The following CNTNAP2 variants were observed in gnomAD, a reference collection of about 807,000 sequenced individuals.
The protein encoded by CNTNAP2 is contactin-associated protein-like 2.
In CNTNAP2, 98 loss-of-function variants were observed where a neutral mutation model predicts 155.2. The ratio of observed to expected loss-of-function variants is 0.63; its 90% CI spans 0.54 to 0.75. CNTNAP2 has a LOEUF of 0.75. CNTNAP2 is among the 30% of genes least tolerant of loss of function. CNTNAP2 has a pLI of 0.00. For missense variants in CNTNAP2, 1,727 were observed against 1,688.1 expected, an observed-to-expected ratio of 1.02 and a Z score of -0.40; for synonymous variants, 651 against 631.2, an observed-to-expected ratio of 1.03 and a Z score of -0.47.
At chr7:146,356,730 G>A (rs954225817) in intron 1 of CNTNAP2, among the ~76,000 whole-genome samples, 1 of 152,130 alleles carries the variant, frequency 6.6e-6, no homozygotes, top group African/African-American at 2.4e-5. Context: ...ATGGAGAAGT[G>A]GATCATGGTT....
intron 15 of CNTNAP2, among the ~76,000 whole-genome samples, chr7:148,013,702 C>G (rs1258456823): frequency 6.6e-6 from 1 of 152,210 alleles, no homozygotes; most frequent in African/African-American, 2.4e-5. Flanking sequence ...GTATCCATGA[C>G]TTACACACCC....
intron 3 of CNTNAP2, among the ~76,000 whole-genome samples, chr7:146,864,269 T>C (rs1400683334): frequency 1.3e-5 from 2 of 152,228 alleles, no homozygotes; most frequent in East Asian, 3.9e-4. Context: ...GAATAAGTGG[T>C]ATTTATCCCA....
Position 147,919,459 on chromosome 7 carries a change from C to CTTTCTTTT in CNTNAP2, c.2255+15741_2255+15742insCTTTTTTT, listed in dbSNP as rs58537091. Among the ~76,000 whole-genome samples, 249 of 51,218 alleles carry CTTTCTTTT rather than the reference C, an allele frequency of 4.9e-3. 66 individuals are homozygous for CTTTCTTTT. Among genetic ancestry groups the CTTTCTTTT allele is most frequent in the East Asian group, 0.034 (43 of 1,256 alleles). 33.6% of individuals were successfully genotyped at this position (51,218 alleles called of 152,430 possible). A position where few individuals can be genotyped will look rare whatever the true frequency, so the allele number is the denominator to read the frequency against. On this transcript the variant is annotated intron_variant, in intron 14 of 23. Transcript: ENST00000361727. Reference sequence around the variant, plus strand: ...CACCATGTCTGGCTACTTTTTCTTTCTTTTTTTTTTTTTTTTTGAGACAGA... The same window carrying CTTTCTTTT: ...CACCATGTCTGGCTACTTTTTCTTTCTTTCTTTTTTTTTTTTTTTTTTTTTGAGACAGA...
chr7:146,837,436 T>C (rs1803639676), intron 2 of CNTNAP2, among the ~76,000 whole-genome samples: 1 of 152,130 alleles, frequency 6.6e-6, no homozygotes, highest in Admixed American at 6.5e-5. Context: ...CCTTCAACAT[T>C]TTGCATTTTT....
At chr7:147,200,911 A>G (rs149737440) in intron 8 of CNTNAP2, among the ~76,000 whole-genome samples, 1 of 152,328 alleles carries the variant, frequency 6.6e-6, no homozygotes, top group Non-Finnish European at 1.5e-5. Flanking sequence ...AAGCTCAAAA[A>G]ATGCATGGTT....
chr7:146,943,218 A>C (rs1797091530), intron 3 of CNTNAP2, among the ~76,000 whole-genome samples: 3 of 152,204 alleles, frequency 2.0e-5, no homozygotes, highest in Non-Finnish European at 4.4e-5. Flanking sequence ...GAGAAAGGAA[A>C]ATGGTATTAA....
At chr7:146,802,098 A>T (rs1428805394) in intron 2 of CNTNAP2, among the ~76,000 whole-genome samples, 1 of 152,232 alleles carries the variant, frequency 6.6e-6, no homozygotes, top group Non-Finnish European at 1.5e-5. Flanking sequence ...TCAGCAGCTT[A>T]AAACAACACC....
chr7:148,023,318 T>C (rs1287390627), intron 15 of CNTNAP2, among the ~76,000 whole-genome samples: 12 of 152,234 alleles, frequency 7.9e-5, no homozygotes, highest in Admixed American at 7.2e-4. Context: ...TTTAATGGCA[T>C]AATTTTTAGC....
intron 1 of CNTNAP2, among the ~76,000 whole-genome samples, chr7:146,365,507 A>G (rs1157797145): frequency 6.6e-6 from 1 of 152,224 alleles, no homozygotes; most frequent in South Asian, 2.1e-4. Context: ...ATGTGTCTTT[A>G]CTTTTCATAT....
At chr7:148,060,622 A>G (rs747043924) in intron 15 of CNTNAP2, among the ~76,000 whole-genome samples, 7 of 152,188 alleles carry the variant, frequency 4.6e-5, no homozygotes, top group Non-Finnish European at 7.4e-5. Flanking sequence ...TTTAAGTTTA[A>G]AATCAATTAT....
At chr7:146,366,938 A>G (rs1443981633) in intron 1 of CNTNAP2, among the ~76,000 whole-genome samples, 10 of 152,156 alleles carry the variant, frequency 6.6e-5, no homozygotes, top group Non-Finnish European at 1.3e-4. Context: ...AAATTATGAA[A>G]CAGAATCTTA....
At chr7:146,228,276 C>G (rs1701422179) in intron 1 of CNTNAP2, among the ~76,000 whole-genome samples, 1 of 152,170 alleles carries the variant, frequency 6.6e-6, no homozygotes, top group African/African-American at 2.4e-5. Flanking sequence ...GGCCTAAACA[C>G]CTTGTTTAGT....
intron 1 of CNTNAP2, among the ~76,000 whole-genome samples, chr7:146,632,348 T>C (rs1799523715): frequency 6.6e-6 from 1 of 152,190 alleles, no homozygotes. Context: ...ATGTTCATGT[T>C]AAAACTATAT....
intron 1 of CNTNAP2, among the ~76,000 whole-genome samples, chr7:146,522,122 A>T (rs1347376669): frequency 1.3e-5 from 2 of 152,082 alleles, no homozygotes; most frequent in Non-Finnish European, 1.5e-5. Flanking sequence ...AAAGATCGTC[A>T]TTCTTCCTTA....
chr7:147,536,989 T>A (rs905672159), intron 11 of CNTNAP2, among the ~76,000 whole-genome samples: 1 of 152,166 alleles, frequency 6.6e-6, no homozygotes, highest in African/African-American at 2.4e-5. Context: ...TCCCTATCTT[T>A]CTAAATCTGA....
At chr7:146,316,780 A>T (rs1800913888) in intron 1 of CNTNAP2, among the ~76,000 whole-genome samples, 1 of 151,760 alleles carries the variant, frequency 6.6e-6, no homozygotes, top group South Asian at 2.1e-4. Flanking sequence ...TTTAATAAAA[A>T]CTACTACTCC....
At chr7:146,223,114 C>A (rs1336510584) in intron 1 of CNTNAP2, among the ~76,000 whole-genome samples, 1 of 152,046 alleles carries the variant, frequency 6.6e-6, no homozygotes, top group Non-Finnish European at 1.5e-5. Flanking sequence ...AGACACAAAC[C>A]CACACACCTT....
intron 11 of CNTNAP2, among the ~76,000 whole-genome samples, chr7:147,561,532 G>A (rs907641256): frequency 4.6e-5 from 7 of 151,940 alleles, no homozygotes; most frequent in Non-Finnish European, 8.8e-5. Context: ...TTACATGAAT[G>A]TCAGCCGTCT....
chr7:146,603,724 G>A (rs1392502879), intron 1 of CNTNAP2, among the ~76,000 whole-genome samples: 1 of 150,936 alleles, frequency 6.6e-6, no homozygotes, highest in Non-Finnish European at 1.5e-5. Context: ...CCAAAACAGA[G>A]ATATAGATCA....
Sources: gnomAD v4.1 joint callset for allele counts (sites outside exome capture counted in the v4.1 genomes callset) on GRCh38, gnomAD v4.1.1 for gene constraint, MANE v1.5 for transcripts, NCBI Gene and HGNC (gene_info 2026-07-23, HGNC 2026-07-21) for gene names.